The following ARHGAP24 variants were observed in gnomAD, a reference collection of about 807,000 sequenced individuals.
The protein encoded by ARHGAP24 is Rho GTPase activating protein 24.
A neutral mutation model predicts 76.4 loss-of-function variants in ARHGAP24; 50 were observed. That is an observed-to-expected ratio of 0.65 (90% CI 0.52 to 0.83). The LOEUF (loss-of-function observed/expected upper bound fraction) is 0.83. ARHGAP24 is among the 40% of genes least tolerant of loss of function. The probability of loss-of-function intolerance (pLI) is 0.00; values close to 1 mark genes in which losing one functional copy is unlikely to be tolerated. For missense variants in ARHGAP24, 930 were observed against 914.2 expected (o/e 1.02, Z -0.22); for synonymous variants, 345 against 323.3 (o/e 1.07, Z -0.72).
chr4:85,818,732 G>C (rs1032874196), intron 3 of ARHGAP24, among the ~76,000 whole-genome samples: 1 of 152,140 alleles, frequency 6.6e-6, no homozygotes, highest in Non-Finnish European at 1.5e-5. Context: ...TTTCATTGGA[G>C]AGAAATAGGG....
intron 2 of ARHGAP24, among the ~76,000 whole-genome samples, chr4:85,712,287 C>T (rs150944365): frequency 1.2e-4 from 18 of 152,156 alleles, no homozygotes; most frequent in Middle Eastern, 3.4e-3. Flanking sequence ...CTCAGAATGC[C>T]TTGCACACCC....
intron 3 of ARHGAP24, among the ~76,000 whole-genome samples, chr4:85,811,221 G>A (rs566093154): frequency 8.9e-4 from 135 of 152,184 alleles, no homozygotes; most frequent in Non-Finnish European, 1.6e-3. Flanking sequence ...CTAGAGATGT[G>A]ACTAATGTGA....
chr4:85,683,116 GT>G lies in ARHGAP24; in HGVS notation c.181-38768del, dbSNP rs1349813455. Among the ~76,000 whole-genome samples, 701 of 90,810 alleles carry G rather than the reference GT, an allele frequency of 7.7e-3. 11 individuals are homozygous for G. The highest frequency in any genetic ancestry group is 0.029 in the African/African-American group (574 of 20,002). 59.6% of individuals were successfully genotyped at this position (90,810 alleles called of 152,430 possible). On this transcript the variant is annotated intron_variant, in intron 2 of 9. Transcript: ENST00000395184. ...CTTAACTCTCTCAGTGTGTGGGGGG[GT>G]GGGGGGGGGGTGCGGGGGCTGTAAA... is the stretch of plus-strand genomic sequence containing the variant.
intron 1 of ARHGAP24, among the ~76,000 whole-genome samples, chr4:85,529,409 T>G (rs1725160551): frequency 6.6e-6 from 1 of 152,072 alleles, no homozygotes; most frequent in Non-Finnish European, 1.5e-5. Flanking sequence ...TATTGCTGAT[T>G]AAGAATAAAA....
chr4:85,724,218 A>G (rs1446219181), intron 3 of ARHGAP24, among the ~76,000 whole-genome samples: 1 of 152,156 alleles, frequency 6.6e-6, no homozygotes, highest in African/African-American at 2.4e-5. Flanking sequence ...CTGAAAATCT[A>G]TCATAAAGAT....
intron 3 of ARHGAP24, among the ~76,000 whole-genome samples, chr4:85,825,290 A>C (rs1729659759): frequency 6.6e-6 from 1 of 152,178 alleles, no homozygotes; most frequent in African/African-American, 2.4e-5. Flanking sequence ...ACTTACTTAA[A>C]GGGTAGAACA....
At chr4:85,707,858 G>A (rs1335492302) in intron 2 of ARHGAP24, among the ~76,000 whole-genome samples, 4 of 152,048 alleles carry the variant, frequency 2.6e-5, no homozygotes, top group African/African-American at 7.2e-5. Flanking sequence ...TACTCACAAC[G>A]CAGCTGGTTT....
intron 2 of ARHGAP24, among the ~76,000 whole-genome samples, chr4:85,591,052 T>G (rs1310487367): frequency 7.2e-6 from 1 of 139,814 alleles, no homozygotes; most frequent in Admixed American, 7.2e-5. Flanking sequence ...TTTTTTTTTT[T>G]TTTTTTTTTG....
intron 2 of ARHGAP24, among the ~76,000 whole-genome samples, chr4:85,660,863 T>A (rs1722357931): frequency 6.7e-6 from 1 of 150,062 alleles, no homozygotes; most frequent in African/African-American, 2.5e-5. Context: ...GACATAACCT[T>A]TCATTATTTT....
chr4:85,876,918 T>A (rs531721005), intron 3 of ARHGAP24, among the ~76,000 whole-genome samples: 16 of 136,762 alleles, frequency 1.2e-4, no homozygotes, highest in African/African-American at 3.6e-4. Context: ...ACTGTACCAT[T>A]ATTCACTGGA....
In ARHGAP24 at chr4:86,001,493, A is replaced by G. The variant is rs149971228; in HGVS notation, c.*771A>G. 3.8e-4 allele frequency: 151 copies of G among 398,634 alleles called. 1 individual carries two copies. Among genetic ancestry groups the G allele is most frequent in the African/African-American group, 2.9e-3 (139 of 48,754 alleles). 24.7% of individuals were successfully genotyped at this position (398,634 alleles called of 1,614,324 possible). A position where few individuals can be genotyped will look rare whatever the true frequency, so the allele number is the denominator to read the frequency against. On this transcript the variant is annotated 3_prime_UTR_variant, in exon 10 of 10. Coordinates refer to ENST00000395184, the MANE Select transcript of ARHGAP24 (RefSeq NM_001025616.3). ...CAGGATGCTCCTTAGAAAAGAAAAA[A>G]TGGTAAAGAATGGCATTTAACGATT...
intron 3 of ARHGAP24, among the ~76,000 whole-genome samples, chr4:85,909,510 T>C (rs1021773386): frequency 6.6e-6 from 1 of 152,224 alleles, no homozygotes; most frequent in Non-Finnish European, 1.5e-5. Context: ...TGTTGAATTG[T>C]CAATCTGTAT....
At chr4:85,897,053 G>T (rs1373351661) in intron 3 of ARHGAP24, among the ~76,000 whole-genome samples, 2 of 152,116 alleles carry the variant, frequency 1.3e-5, no homozygotes, top group Non-Finnish European at 2.9e-5. Context: ...AAAAGGTACT[G>T]CCCACTACAA....
At chr4:85,636,341 A>G in intron 2 of ARHGAP24, among the ~76,000 whole-genome samples, 1 of 151,914 alleles carries the variant, frequency 6.6e-6, no homozygotes, top group East Asian at 1.9e-4. Flanking sequence ...ACAAGATAAT[A>G]TCTGCAGTCT....
chr4:85,718,399 A>G (rs1724811516), intron 2 of ARHGAP24, among the ~76,000 whole-genome samples: 1 of 152,094 alleles, frequency 6.6e-6, no homozygotes, highest in Non-Finnish European at 1.5e-5. Flanking sequence ...ACATGTATAA[A>G]CACGTAAAAG....
intron 3 of ARHGAP24, among the ~76,000 whole-genome samples, chr4:85,798,617 T>C (rs985031103): frequency 6.6e-6 from 1 of 152,218 alleles, no homozygotes; most frequent in African/African-American, 2.4e-5. Context: ...GTAATACTGG[T>C]TTTGCTCATT....
At chr4:85,574,345 T>A (rs1727274703) in intron 2 of ARHGAP24, among the ~76,000 whole-genome samples, 1 of 152,190 alleles carries the variant, frequency 6.6e-6, no homozygotes, top group African/African-American at 2.4e-5. Context: ...AGTACACAGG[T>A]ACAGTTAGTG....
intron 2 of ARHGAP24, among the ~76,000 whole-genome samples, chr4:85,694,786 A>G (rs1365797007): frequency 6.6e-6 from 1 of 152,204 alleles, no homozygotes; most frequent in African/African-American, 2.4e-5. Context: ...TTGGGCAAGT[A>G]TATGAAAATA....
At chr4:85,476,784 T>C (rs980695865) in intron 1 of ARHGAP24, among the ~76,000 whole-genome samples, 3 of 152,192 alleles carry the variant, frequency 2.0e-5, no homozygotes, top group Admixed American at 2.0e-4. Flanking sequence ...ATGTATGTAT[T>C]AGAAAAAGCC....
Sources: allele counts gnomAD v4.1 joint callset (sites outside exome capture counted in the v4.1 genomes callset), GRCh38; gene constraint gnomAD v4.1.1; transcripts MANE v1.5; gene names NCBI Gene and HGNC (gene_info 2026-07-23, HGNC 2026-07-21).